The following PAX5 variants were observed in gnomAD, a reference collection of about 807,000 sequenced individuals.
PAX5 encodes paired box 5, also known as paired box protein Pax-5.
Under a neutral mutation model 43.7 loss-of-function variants are expected in PAX5, and 9 were observed. That is an observed-to-expected ratio of 0.21 (90% CI 0.12 to 0.36). PAX5 has a LOEUF of 0.36. Among genes scored for constraint, PAX5 ranks in the 10% least tolerant of loss-of-function variants. The probability of loss-of-function intolerance (pLI) is 1.00; values close to 1 mark genes in which losing one functional copy is unlikely to be tolerated. For synonymous variants in PAX5, 228 were observed against 214.3 expected, an observed-to-expected ratio of 1.06 and a Z score of -0.56; for missense variants, 383 against 532.7, an observed-to-expected ratio of 0.72 and a Z score of 2.77.
At chr9:36,847,014 G>A in intron 8 of PAX5, 85 bp from the exon 9 acceptor site, 1 of 922,740 alleles carries the variant, frequency 1.1e-6, no homozygotes, top group African/African-American at 1.6e-5. Flanking sequence ...CAGCCTGGTT[G>A]CCAATGGCAT....
intron 7 of PAX5, among the ~76,000 whole-genome samples, chr9:36,888,423 A>C (rs1000374011): frequency 3.9e-5 from 6 of 152,266 alleles, no homozygotes; most frequent in African/African-American, 1.2e-4. Flanking sequence ...ACAATGGAAT[A>C]TTTGGCAATA....
intron 3 of PAX5, among the ~76,000 whole-genome samples, chr9:37,012,717 A>T (rs911104844): frequency 6.6e-6 from 1 of 152,226 alleles, no homozygotes; most frequent in African/African-American, 2.4e-5. Flanking sequence ...TTATTTTATA[A>T]GGCAATTGTA....
chr9:37,002,343 A>T (rs535575246), intron 5 of PAX5, among the ~76,000 whole-genome samples: 2 of 152,148 alleles, frequency 1.3e-5, no homozygotes, highest in Non-Finnish European at 2.9e-5. Context: ...CTGCACGCAC[A>T]CAGGGTCTTC....
In PAX5 at chr9:36,837,969, A is replaced by G. The variant is rs937909015; in HGVS notation, c.*2591T>C. 1 of 233,376 alleles carries G rather than the reference A, an allele frequency of 4.3e-6. No homozygotes were observed. Among genetic ancestry groups the G allele is most frequent in the Non-Finnish European group, 8.5e-6 (1 of 118,084 alleles). The allele number at this position is 233,376 out of a possible 1,614,324, so 14.5% of individuals were successfully genotyped here. On this transcript the variant is annotated 3_prime_UTR_variant, in exon 10 of 10. Transcript: ENST00000358127. Reference sequence around the variant, plus strand: ...CAAAGATGTGGGTACACATCATTCCAAAAGAAGGGTGACAGGGGGCAGAGG... The same window carrying G: ...CAAAGATGTGGGTACACATCATTCCGAAAGAAGGGTGACAGGGGGCAGAGG...
Position 36,872,345 on chromosome 9 carries a change from G to A in PAX5, c.1012+9659C>T, listed in dbSNP as rs1200593676. On this transcript the variant is annotated intron_variant, in intron 8 of 9. Coordinates refer to ENST00000358127, the MANE Select transcript of PAX5 (RefSeq NM_016734.3). ...TAGAACAGAGGTGGCAGGGCTTAGG[G>A]AGCCCTCCAGTTCGGTCAGGAGCTG... is the stretch of plus-strand genomic sequence containing the variant. Among the ~76,000 whole-genome samples the A allele has an allele frequency of 2.6e-5, 4 of 152,330 alleles. No individual in the cohort carries two copies. In the East Asian group the frequency reaches 7.7e-4, roughly 29 times the overall value.
At position 37,002,850 on chromosome 9, in the gene PAX5, G is replaced by T; in HGVS notation, c.476-74C>A. ...CGGACCGGCTGTCACCGCACGTGAGGCTGGGGGCGGCTGGGAGGGAGCGAG... is the reference window on the plus strand; with the variant it reads ...CGGACCGGCTGTCACCGCACGTGAGTCTGGGGGCGGCTGGGAGGGAGCGAG... On this transcript the variant is annotated intron_variant, in intron 4 of 9. Transcript: ENST00000358127. The T allele has an allele frequency of 2.0e-6, 3 of 1,508,160 alleles. No individual in the cohort carries two copies. In the South Asian group the frequency reaches 3.8e-5, roughly 19 times the overall value. 93.4% of individuals were successfully genotyped at this position (1,508,160 alleles called of 1,614,324 possible).
At chr9:36,992,120 C>T (rs1836993653) in intron 5 of PAX5, among the ~76,000 whole-genome samples, 1 of 133,762 alleles carries the variant, frequency 7.5e-6, no homozygotes, top group African/African-American at 2.8e-5. Flanking sequence ...CACACCTCGC[C>T]CCCACCCCCC....
intron 8 of PAX5, among the ~76,000 whole-genome samples, chr9:36,847,214 T>C (rs1822678101): frequency 1.3e-5 from 2 of 152,194 alleles, no homozygotes; most frequent in African/African-American, 4.8e-5. Flanking sequence ...GTGCCAGATG[T>C]TCCTTGGGGT....
intron 5 of PAX5, among the ~76,000 whole-genome samples, chr9:36,978,740 G>T (rs1236090108): frequency 2.0e-5 from 3 of 151,984 alleles, no homozygotes; most frequent in Non-Finnish European, 4.4e-5. Context: ...AAGTGAGAGG[G>T]AGGAAAAAAA....
At chr9:36,966,412 A>G (rs1834440815) in intron 6 of PAX5, 137 bp downstream of exon 6, 2 of 907,130 alleles carry the variant, frequency 2.2e-6, no homozygotes, top group Non-Finnish European at 3.3e-6. Flanking sequence ...AAGTTTGGCC[A>G]AGAACACTGA....
chr9:36,833,945 T>C lies in PAX5; in HGVS notation c.*6615A>G, dbSNP rs1218800071. ...GCGGATACAGTAGATATGTATTTCT[T>C]TGATGCTGAAAGGTCAGTCCCTAAG... On this transcript the variant is annotated 3_prime_UTR_variant, in exon 10 of 10. Coordinates refer to ENST00000358127, the MANE Select transcript of PAX5 (RefSeq NM_016734.3). 2 of 233,028 alleles carry C rather than the reference T, an allele frequency of 8.6e-6. No homozygotes were observed. Among genetic ancestry groups the C allele is most frequent in the Non-Finnish European group, 1.7e-5 (2 of 118,000 alleles). The allele number at this position is 233,028 out of a possible 1,614,324, so 14.4% of individuals were successfully genotyped here.
rs371492696 is a variant in PAX5 at position 36,846,927 on chromosome 9, T to C, written c.1015A>G (p.Ser339Gly). The change falls in exon 9 of 10, where the codon AGT becomes GGT. Residue 339 changes from serine (S) to glycine (G), a missense_variant and splice_region_variant. Coordinates refer to ENST00000358127, the MANE Select transcript of PAX5 (RefSeq NM_016734.3). ...APTLTGMVPG[S>G]EFSGSPYSHP... ...CTGTAGGGACTCCCGGAAAACTCAC[T>C]CCCTGTGTATGGTGGGTGGAGAGAG... 6.2e-7 allele frequency: 1 copy of C among 1,608,482 alleles called. No homozygotes were observed. The highest frequency in any genetic ancestry group is 8.5e-7 in the Non-Finnish European group (1 of 1,174,884).
chr9:36,938,751 A>G (rs1340418276), intron 6 of PAX5, among the ~76,000 whole-genome samples: 1 of 152,192 alleles, frequency 6.6e-6, no homozygotes, highest in Non-Finnish European at 1.5e-5. Context: ...CAAGCTCACA[A>G]AGAGAAAAAT....
chr9:36,998,377 C>T (rs192843519), intron 5 of PAX5, among the ~76,000 whole-genome samples: 33 of 152,324 alleles, frequency 2.2e-4, no homozygotes, highest in Non-Finnish European at 4.4e-5. Context: ...GAACTCTACT[C>T]GGAGCTTTCT....
At chr9:36,988,062 G>A (rs1291538875) in intron 5 of PAX5, among the ~76,000 whole-genome samples, 1 of 152,160 alleles carries the variant, frequency 6.6e-6, no homozygotes. Flanking sequence ...GGGAGCGGGG[G>A]AGGAGAAAGG....
At chr9:36,886,259 A>G (rs555271249) in intron 7 of PAX5, among the ~76,000 whole-genome samples, 12 of 152,336 alleles carry the variant, frequency 7.9e-5, no homozygotes, top group Non-Finnish European at 1.6e-4. Flanking sequence ...TGTGGTGGCA[A>G]TTGCTGATTG....
intron 7 of PAX5, among the ~76,000 whole-genome samples, chr9:36,918,759 G>T (rs1829910946): frequency 2.0e-5 from 3 of 152,198 alleles, no homozygotes; most frequent in Non-Finnish European, 4.4e-5. Flanking sequence ...TTTTAGGAAG[G>T]CTAAGAGAAG....
chr9:36,954,427 C>T (rs893340392), intron 6 of PAX5, among the ~76,000 whole-genome samples: 1 of 152,214 alleles, frequency 6.6e-6, no homozygotes, highest in Non-Finnish European at 1.5e-5. Context: ...CAGCAAGAGT[C>T]TGTGAGTGGT....
chr9:36,864,001 C>T (rs1281516502), intron 8 of PAX5, among the ~76,000 whole-genome samples: 2 of 152,132 alleles, frequency 1.3e-5, no homozygotes, highest in Admixed American at 1.3e-4. Context: ...CCCAGCTACT[C>T]GGGAGGCTGA....
Sources: allele counts gnomAD v4.1 joint callset (sites outside exome capture counted in the v4.1 genomes callset), GRCh38; gene constraint gnomAD v4.1.1; transcripts MANE v1.5; gene names NCBI Gene and HGNC (gene_info 2026-07-23, HGNC 2026-07-21).